Variants in CDK12 observed in about 807,000 individuals in gnomAD.
CDK12 encodes the protein cyclin-dependent kinase 12.
Under a neutral mutation model 133.8 loss-of-function variants are expected in CDK12, and 17 were observed. The observed-to-expected ratio is 0.13, with a 90% confidence interval of 0.09 to 0.19. The LOEUF is 0.19. Ranked by LOEUF, CDK12 falls within the 10% of genes least tolerant of loss-of-function variation. The probability of loss-of-function intolerance (pLI) is 1.00; values close to 1 mark genes in which losing one functional copy is unlikely to be tolerated. For synonymous variants in CDK12, 694 were observed against 683.6 expected, an observed-to-expected ratio of 1.02 and a Z score of -0.24; for missense variants, 1,508 against 1,818.7, an observed-to-expected ratio of 0.83 and a Z score of 3.11.
intron 3 of CDK12, among the ~76,000 whole-genome samples, chr17:39,563,464 C>CCG (rs371160315): frequency 4.2e-4 from 2 of 4,818 alleles, no homozygotes; most frequent in Non-Finnish European, 1.3e-3. Context: ...TTGCTTCCCG[C>CCG]CCCCCCCCCG....
exon 4 of CDK12, chr17:39,564,763 CT>C (rs2056513539): frequency 6.6e-6 from 1 of 152,178 alleles, no homozygotes; most frequent in Non-Finnish European, 1.5e-5. Flanking sequence ...CCCTTAGCAC[CT>C]GCCTTAGAGA....
chr17:39,545,496 C>CATT (rs1260783035), upstream of CDK12, among the ~76,000 whole-genome samples: 3 of 103,600 alleles, frequency 2.9e-5, no homozygotes, highest in East Asian at 5.4e-4. Flanking sequence ...CCCCAAAAAG[C>CATT]TTTTTTTTTT....
At chr17:39,483,193 G>A (rs1194937247) in intron 2 of CDK12, among the ~76,000 whole-genome samples, 5 of 152,010 alleles carry the variant, frequency 3.3e-5, no homozygotes, top group Admixed American at 1.3e-4. Context: ...CATTACAGGC[G>A]TGAGCCACCT....
chr17:39,532,461 CAAAA>C lies in CDK12; in HGVS notation c.*1152_*1155del, dbSNP rs147657554. On this transcript the variant is annotated 3_prime_UTR_variant, in exon 14 of 14. Transcript: ENST00000447079. ...ATTGTTTACACATATATTTTTATGT[CAAAA>C]AAAAAACAAAAACCTTTCAAACAGA... The C allele has an allele frequency of 4.9e-6, 1 of 202,474 alleles. No homozygotes were observed. Among genetic ancestry groups the C allele is most frequent in the Non-Finnish European group, 9.8e-6 (1 of 102,402 alleles). 12.5% of individuals were successfully genotyped at this position (202,474 alleles called of 1,614,324 possible). A position where few individuals can be genotyped will look rare whatever the true frequency, so the allele number is the denominator to read the frequency against.
intron 2 of CDK12, among the ~76,000 whole-genome samples, chr17:39,474,771 A>G (rs572352210): frequency 1.4e-5 from 2 of 142,756 alleles, no homozygotes; most frequent in African/African-American, 2.6e-5. Context: ...AGAAAGAAAT[A>G]TGATGTTTCC....
chr17:39,479,295 C>T lies in CDK12; in HGVS notation c.1931+7532C>T, dbSNP rs112269590. On this transcript the variant is annotated intron_variant, in intron 2 of 13. Coordinates refer to ENST00000447079, the MANE Select transcript of CDK12 (RefSeq NM_016507.4). ...TGCACTCGAGCCTGGGCGACAAGAG[C>T]GAGACTCCGTCTGAAAAAAAAAAAA... is the stretch of plus-strand genomic sequence containing the variant. 3.8e-5 allele frequency among the ~76,000 whole-genome samples: 3 copies of T among 79,608 alleles called. 1 individual carries two copies. In the South Asian group the frequency reaches 1.4e-3, roughly 37 times the overall value. 52.2% of individuals were successfully genotyped at this position (79,608 alleles called of 152,430 possible). A position where few individuals can be genotyped will look rare whatever the true frequency, so the allele number is the denominator to read the frequency against.
At chr17:39,484,040 C>A (rs2050933822) in intron 2 of CDK12, among the ~76,000 whole-genome samples, 1 of 152,064 alleles carries the variant, frequency 6.6e-6, no homozygotes, top group Non-Finnish European at 1.5e-5. Context: ...GACAGGGTTT[C>A]ACCATGTTGG....
At position 39,525,861 on chromosome 17, in the gene CDK12, C is replaced by T; in HGVS notation, c.3308-3C>T. 1 of 1,610,576 alleles carries T rather than the reference C, an allele frequency of 6.2e-7. No individual in the cohort carries two copies. The highest frequency in any genetic ancestry group is 8.5e-7 in the Non-Finnish European group (1 of 1,177,576). ...TTATATTGGCTTCACTGTCTTTCAA[C>T]AGGCCTTGCTGACATCACACAACAG... On this transcript the variant is annotated splice_polypyrimidine_tract_variant and splice_region_variant and intron_variant, in intron 12 of 13. Coordinates refer to ENST00000447079, the MANE Select transcript of CDK12 (RefSeq NM_016507.4).
chr17:39,482,033 AC>A (rs1213552986), intron 2 of CDK12, among the ~76,000 whole-genome samples: 1 of 24,706 alleles, frequency 4.0e-5, no homozygotes, highest in Non-Finnish European at 1.7e-4. Flanking sequence ...TTTTTTTTTA[AC>A]AGAGTTTCGC....
chr17:39,542,188 ATCT>A (rs1179981708), intron 1 of CDK12, among the ~76,000 whole-genome samples: 5 of 151,710 alleles, frequency 3.3e-5, no homozygotes, highest in Middle Eastern at 3.4e-3. Context: ...TTAAAGAATA[ATCT>A]TTTTTTTTTT....
intron 3 of CDK12, among the ~76,000 whole-genome samples, chr17:39,492,439 G>T (rs1201549368): frequency 7.1e-6 from 1 of 141,442 alleles, no homozygotes; most frequent in African/African-American, 2.6e-5. Flanking sequence ...AGGGTGTCTT[G>T]CTCTGTCGCC....
intron 11 of CDK12, among the ~76,000 whole-genome samples, chr17:39,521,781 C>G (rs1345363553): frequency 1.3e-5 from 2 of 151,932 alleles, no homozygotes; most frequent in African/African-American, 2.4e-5. Flanking sequence ...AAGGTGGTCT[C>G]AAACTCCTGA....
At chr17:39,537,408 T>C (rs905887988), downstream of CDK12, among the ~76,000 whole-genome samples, 3 of 152,122 alleles carry the variant, frequency 2.0e-5, no homozygotes, top group African/African-American at 7.2e-5. Context: ...CTAGTGTTAA[T>C]ATTTATAATT....
intron 7 of CDK12, 85 bp downstream of exon 7, chr17:39,509,846 G>T: frequency 9.6e-7 from 1 of 1,041,858 alleles, no homozygotes. Context: ...CTGTTGCTCA[G>T]GCTGGAGTGC....
downstream of CDK12, among the ~76,000 whole-genome samples, chr17:39,535,777 T>C (rs534808354): frequency 1.3e-5 from 2 of 152,226 alleles, no homozygotes; most frequent in Non-Finnish European, 2.9e-5. Context: ...CTCTTGGTGC[T>C]GATCTTGGGA....
chr17:39,498,483 A>G (rs1049324935), intron 5 of CDK12, among the ~76,000 whole-genome samples: 2 of 152,126 alleles, frequency 1.3e-5, no homozygotes, highest in Non-Finnish European at 2.9e-5. Flanking sequence ...TCGGCCTCCC[A>G]AAGTGCTGGG....
chr17:39,502,404 C>T (rs770605104), intron 6 of CDK12, among the ~76,000 whole-genome samples: 23 of 152,300 alleles, frequency 1.5e-4, no homozygotes, highest in Non-Finnish European at 2.8e-4. Context: ...CCGCCCACCT[C>T]GGCCTCCCAA....
chr17:39,479,101 G>C (rs942161535), intron 2 of CDK12, among the ~76,000 whole-genome samples: 4 of 151,994 alleles, frequency 2.6e-5, no homozygotes, highest in African/African-American at 4.8e-5. Context: ...GAGGTCAGGA[G>C]ATCGAGACCA....
intron 2 of CDK12, among the ~76,000 whole-genome samples, chr17:39,489,842 G>C (rs1050823155): frequency 4.5e-5 from 6 of 133,442 alleles, no homozygotes; most frequent in Admixed American, 1.6e-4. Context: ...GTCTCACTGT[G>C]TTTTCCAGGG....
Sources: allele counts gnomAD v4.1 joint callset (sites outside exome capture counted in the v4.1 genomes callset), GRCh38; gene constraint gnomAD v4.1.1; transcripts MANE v1.5; gene names NCBI Gene and HGNC (gene_info 2026-07-23, HGNC 2026-07-21).